The following ERC2 variants were observed in gnomAD, a reference collection of about 807,000 sequenced individuals.
ERC2 encodes ERC protein 2.
Under a neutral mutation model 114.8 loss-of-function variants are expected in ERC2, and 42 were observed. That is an observed-to-expected ratio of 0.37 (90% confidence interval 0.29 to 0.47). The LOEUF is 0.47. ERC2 is among the 20% of genes least tolerant of loss of function. ERC2 has a pLI of 0.99. For synonymous variants in ERC2, 454 were observed against 425.5 expected (o/e 1.07, Z -0.82); for missense variants, 939 against 1,150.7 (o/e 0.82, Z 2.66).
intron 13 of ERC2, among the ~76,000 whole-genome samples, chr3:55,890,020 G>C (rs762297098): frequency 1.3e-5 from 2 of 152,114 alleles, no homozygotes; most frequent in African/African-American, 2.4e-5. Flanking sequence ...ACCAAAAAGA[G>C]TTTAAAAAGC....
chr3:56,080,076 C>T (rs752655161), intron 7 of ERC2, among the ~76,000 whole-genome samples: 2 of 152,156 alleles, frequency 1.3e-5, no homozygotes, highest in Non-Finnish European at 2.9e-5. Flanking sequence ...ATCTTCCCAA[C>T]ACATTTTATT....
chr3:56,343,338 A>G (rs905220720), intron 2 of ERC2, among the ~76,000 whole-genome samples: 7 of 152,032 alleles, frequency 4.6e-5, no homozygotes, highest in South Asian at 2.1e-4. Context: ...TGTGTCCCCA[A>G]TGCCTACACC....
intron 17 of ERC2, among the ~76,000 whole-genome samples, chr3:55,669,856 A>G (rs1265998236): frequency 6.6e-6 from 1 of 152,222 alleles, no homozygotes; most frequent in Non-Finnish European, 1.5e-5. Flanking sequence ...TCAATGCTCA[A>G]CCTGATTCAG....
chr3:56,311,280 T>C (rs753984033), intron 2 of ERC2, among the ~76,000 whole-genome samples: 26,317 of 135,668 alleles, frequency 0.19, 3,601 homozygotes, highest in Non-Finnish European at 0.26. Context: ...TATATATATA[T>C]ATATATATAT....
chr3:56,169,893 T>C (rs1216223977), intron 4 of ERC2, among the ~76,000 whole-genome samples: 1 of 150,820 alleles, frequency 6.6e-6, no homozygotes, highest in Non-Finnish European at 1.5e-5. Flanking sequence ...GTCAAATTTA[T>C]AATAAAAATA....
chr3:55,905,416 A>G (rs2064375434), intron 13 of ERC2, among the ~76,000 whole-genome samples: 1 of 151,224 alleles, frequency 6.6e-6, no homozygotes, highest in Admixed American at 6.6e-5. Context: ...CACAGTTTGG[A>G]GTAGTGGTGG....
intron 7 of ERC2, among the ~76,000 whole-genome samples, chr3:56,070,969 T>C (rs1255543942): frequency 6.6e-6 from 1 of 152,146 alleles, no homozygotes; most frequent in Non-Finnish European, 1.5e-5. Flanking sequence ...AAGTCCTCCT[T>C]ATTCATCCCA....
At chr3:56,435,199 C>T (rs1286328273) in intron 1 of ERC2, 52 bp from the exon 2 acceptor site, 1 of 564,918 alleles carries the variant, frequency 1.8e-6, no homozygotes, top group African/African-American at 1.9e-5. Context: ...AGAACTCTAA[C>T]TGCATTGTAT....
chr3:56,458,567 G>A (rs1005486408), intron 1 of ERC2, among the ~76,000 whole-genome samples: 2 of 152,120 alleles, frequency 1.3e-5, no homozygotes, highest in Non-Finnish European at 2.9e-5. Context: ...CAAGCCTGAT[G>A]AACAGCAGCC....
rs564865043 is a variant in ERC2 at position 55,777,636 on chromosome 3, GATTT to G, written c.2565-42722_2565-42719del. On this transcript the variant is annotated intron_variant, in intron 14 of 17. Transcript: ENST00000288221. The stretch of plus-strand genomic sequence containing the variant: ...AATGTTATGGAGTAATCTATACTTT[GATTT>G]ATTGTAAATTTCCTACTGGCATGAA... Among the ~76,000 whole-genome samples, 12 of 152,286 alleles carry G rather than the reference GATTT, an allele frequency of 7.9e-5. No homozygotes were observed. In the South Asian group the frequency reaches 1.7e-3, roughly 21 times the overall value.
intron 7 of ERC2, among the ~76,000 whole-genome samples, chr3:56,022,440 T>C (rs1022436987): frequency 2.0e-5 from 3 of 152,154 alleles, no homozygotes; most frequent in Non-Finnish European, 2.9e-5. Flanking sequence ...ACAATAAGTT[T>C]TTGCTTTTTA....
At chr3:56,154,122 C>G (rs2081570425) in intron 4 of ERC2, among the ~76,000 whole-genome samples, 1 of 152,138 alleles carries the variant, frequency 6.6e-6, no homozygotes, top group Admixed American at 6.5e-5. Context: ...AGCCCTGGAT[C>G]TTAGGCTACC....
chr3:56,419,811 G>A (rs2061317650), intron 2 of ERC2, among the ~76,000 whole-genome samples: 1 of 152,162 alleles, frequency 6.6e-6, no homozygotes, highest in Admixed American at 6.5e-5. Context: ...TCCAGATTAT[G>A]CACACCTTTC....
At chr3:55,573,016 T>C (rs1350417594) in intron 17 of ERC2, among the ~76,000 whole-genome samples, 1 of 152,198 alleles carries the variant, frequency 6.6e-6, no homozygotes, top group Non-Finnish European at 1.5e-5. Flanking sequence ...TTAACTTCTC[T>C]GGGCCTCAGA....
intron 2 of ERC2, among the ~76,000 whole-genome samples, chr3:56,339,350 A>G (rs1329495461): frequency 6.6e-6 from 1 of 151,938 alleles, no homozygotes; most frequent in Non-Finnish European, 1.5e-5. Context: ...GGGGAAAGAG[A>G]AGTGTAAGGG....
At chr3:55,990,503 C>T (rs899351034) in intron 11 of ERC2, among the ~76,000 whole-genome samples, 1 of 151,996 alleles carries the variant, frequency 6.6e-6, no homozygotes, top group Non-Finnish European at 1.5e-5. Flanking sequence ...TAATTTACTG[C>T]AGCCTTGAAC....
chr3:56,005,979 T>C (rs2072455030), intron 10 of ERC2, among the ~76,000 whole-genome samples: 1 of 152,096 alleles, frequency 6.6e-6, no homozygotes, highest in Admixed American at 6.6e-5. Flanking sequence ...AATTCTTTTA[T>C]TTATTGTTCA....
intron 2 of ERC2, among the ~76,000 whole-genome samples, chr3:56,398,659 C>T (rs111482142): frequency 2.0e-5 from 3 of 151,986 alleles, no homozygotes; most frequent in Non-Finnish European, 4.4e-5. Flanking sequence ...GGCTCTCATT[C>T]TGTTGGCCAG....
At chr3:55,821,179 G>A (rs2060108123) in intron 14 of ERC2, among the ~76,000 whole-genome samples, 1 of 152,180 alleles carries the variant, frequency 6.6e-6, no homozygotes, top group South Asian at 2.1e-4. Context: ...ACTGATGAAT[G>A]TGGAGGAGAA....
Sources: allele counts gnomAD v4.1 joint callset (sites outside exome capture counted in the v4.1 genomes callset), GRCh38; gene constraint gnomAD v4.1.1; transcripts MANE v1.5; gene names NCBI Gene and HGNC (gene_info 2026-07-23, HGNC 2026-07-21).